Variants in CLSTN2 observed in about 807,000 individuals in gnomAD.
CLSTN2 encodes the protein calsyntenin-2.
In CLSTN2, 48 loss-of-function variants were observed where a neutral mutation model predicts 101.2. The ratio of observed to expected loss-of-function variants is 0.47; its 90% CI spans 0.38 to 0.60. The LOEUF (loss-of-function observed/expected upper bound fraction) is 0.60, where lower values mean the gene tolerates loss of function less well. Among genes scored for constraint, CLSTN2 ranks in the 20% least tolerant of loss-of-function variants. The pLI is 0.00. For synonymous variants in CLSTN2, 481 were observed against 463.6 expected, an observed-to-expected ratio of 1.04 and a Z score of -0.48; for missense variants, 1,160 against 1,238.2, an observed-to-expected ratio of 0.94 and a Z score of 0.95.
chr3:140,091,831 G>T (rs1319846732), intron 1 of CLSTN2, among the ~76,000 whole-genome samples: 1 of 152,140 alleles, frequency 6.6e-6, no homozygotes, highest in African/African-American at 2.4e-5. Flanking sequence ...CTCTGTGTTC[G>T]CTTTTATTGC....
chr3:140,272,222 G>A (rs897625783), intron 2 of CLSTN2, among the ~76,000 whole-genome samples: 3 of 152,138 alleles, frequency 2.0e-5, no homozygotes, highest in East Asian at 1.9e-4. Context: ...CTAGATCTAG[G>A]CTCACAGCCT....
chr3:140,026,604 C>T (rs78467842), intron 1 of CLSTN2, among the ~76,000 whole-genome samples: 2,946 of 152,334 alleles, frequency 0.019, 42 homozygotes, highest in Middle Eastern at 0.031. Flanking sequence ...CTGGAGTCTA[C>T]TCTTCAGAAG....
At chr3:140,322,477 T>C (rs948532673) in intron 2 of CLSTN2, among the ~76,000 whole-genome samples, 3 of 152,196 alleles carry the variant, frequency 2.0e-5, no homozygotes, top group African/African-American at 7.2e-5. Flanking sequence ...TGAGTAGGAA[T>C]CATTTCAAGG....
At chr3:140,517,076 C>T (rs1190940736) in intron 8 of CLSTN2, among the ~76,000 whole-genome samples, 2 of 151,808 alleles carry the variant, frequency 1.3e-5, no homozygotes, top group Non-Finnish European at 2.9e-5. Flanking sequence ...AAAGCCTTGT[C>T]TTCAATCCCT....
chr3:139,987,031 T>TA (rs11422011), intron 1 of CLSTN2, among the ~76,000 whole-genome samples: 49,706 of 151,662 alleles, frequency 0.33, 10,044 homozygotes, highest in Non-Finnish European at 0.46. Context: ...TTGATGCTGT[T>TA]AAAAAAAAAT....
intron 8 of CLSTN2, among the ~76,000 whole-genome samples, chr3:140,528,106 C>T (rs1442026772): frequency 6.6e-6 from 1 of 152,098 alleles, no homozygotes; most frequent in African/African-American, 2.4e-5. Context: ...ATTTCTTTCT[C>T]CTTAATTTTC....
At chr3:140,288,952 C>CGT (rs1559829832) in intron 2 of CLSTN2, among the ~76,000 whole-genome samples, 3 of 152,184 alleles carry the variant, frequency 2.0e-5, no homozygotes, top group Non-Finnish European at 4.4e-5. Flanking sequence ...TCCCTGATCC[C>CGT]CCGTGCCCTT....
At chr3:140,250,366 G>A (rs2086552847) in intron 2 of CLSTN2, among the ~76,000 whole-genome samples, 1 of 152,168 alleles carries the variant, frequency 6.6e-6, no homozygotes, top group Admixed American at 6.5e-5. Context: ...ATGGTGAAAT[G>A]GGGGCAGATG....
chr3:140,024,327 T>C (rs2007376668), intron 1 of CLSTN2, among the ~76,000 whole-genome samples: 1 of 152,216 alleles, frequency 6.6e-6, no homozygotes, highest in Non-Finnish European at 1.5e-5. Flanking sequence ...TGCCTTTTCT[T>C]GTATCTGTTC....
chr3:140,537,353 A>G (rs1935379098), intron 9 of CLSTN2, among the ~76,000 whole-genome samples: 1 of 152,116 alleles, frequency 6.6e-6, no homozygotes, highest in African/African-American at 2.4e-5. Context: ...AAACACTGAG[A>G]CTTCATTTCC....
chr3:140,102,789 C>T (rs1227657535), intron 1 of CLSTN2, among the ~76,000 whole-genome samples: 1 of 152,150 alleles, frequency 6.6e-6, no homozygotes, highest in Non-Finnish European at 1.5e-5. Flanking sequence ...AGAATAGTTA[C>T]ATGATGACCA....
chr3:140,372,034 G>A (rs2087863448), intron 2 of CLSTN2, among the ~76,000 whole-genome samples: 1 of 152,210 alleles, frequency 6.6e-6, no homozygotes, highest in Non-Finnish European at 1.5e-5. Context: ...TAAGATGAAA[G>A]TGGAGGACCT....
At position 140,138,569 on chromosome 3, in the gene CLSTN2, A is replaced by T. The variant is rs558684415; in HGVS notation, c.110-37382A>T. 5.9e-5 allele frequency among the ~76,000 whole-genome samples: 9 copies of T among 152,346 alleles called. No individual in the cohort carries two copies. The East Asian group carries it at 1.7e-3, about 29-fold the overall frequency. On this transcript the variant is annotated intron_variant, in intron 1 of 16. Transcript: ENST00000458420. The stretch of plus-strand genomic sequence containing the variant: ...AACTGCAGCCTGACCTCAAATCTGA[A>T]GGACAAACTCATCAAGAATTAGAAG...
intron 2 of CLSTN2, among the ~76,000 whole-genome samples, chr3:140,339,127 C>T (rs1343738708): frequency 6.6e-6 from 1 of 152,176 alleles, no homozygotes. Context: ...TCAAGGTGGA[C>T]AGTCCAGGTT....
chr3:140,419,520 C>T (rs150078118), intron 4 of CLSTN2, among the ~76,000 whole-genome samples: 1 of 60,276 alleles, frequency 1.7e-5, no homozygotes, highest in Non-Finnish European at 2.6e-5. Context: ...TATACACACA[C>T]ATATGTGTGT....
chr3:140,238,656 C>T (rs192465142), intron 2 of CLSTN2, among the ~76,000 whole-genome samples: 1 of 152,282 alleles, frequency 6.6e-6, no homozygotes, highest in African/African-American at 2.4e-5. Flanking sequence ...GCAGCACACT[C>T]ATTATGAGAT....
At chr3:140,176,096 C>A in intron 2 of CLSTN2, 23 bp downstream of exon 2, 1 of 1,612,242 alleles carries the variant, frequency 6.2e-7, no homozygotes, top group Non-Finnish European at 8.5e-7. Context: ...CTTCGTACGG[C>A]TGGGCCTGGC....
chr3:140,249,137 A>C (rs1576483908), intron 2 of CLSTN2, among the ~76,000 whole-genome samples: 1 of 152,158 alleles, frequency 6.6e-6, no homozygotes, highest in Non-Finnish European at 1.5e-5. Flanking sequence ...AGTCTGAGAC[A>C]CCAGCCAGCT....
chr3:140,262,843 G>A (rs1159089788), intron 2 of CLSTN2, among the ~76,000 whole-genome samples: 2 of 152,152 alleles, frequency 1.3e-5, no homozygotes, highest in Non-Finnish European at 2.9e-5. Context: ...AATGGGGACA[G>A]TAAGAAGTAT....
Sources: gnomAD v4.1 joint callset for allele counts (sites outside exome capture counted in the v4.1 genomes callset) on GRCh38, gnomAD v4.1.1 for gene constraint, MANE v1.5 for transcripts, NCBI Gene and HGNC (gene_info 2026-07-23, HGNC 2026-07-21) for gene names.